Variants in CDKN2B-AS1 observed in about 807,000 individuals in gnomAD.
The protein encoded by CDKN2B-AS1 is CDKN2B antisense RNA 1 (non-protein coding).
intron 4 of CDKN2B-AS1, chr9:22,066,352 T>C (rs1824040851): frequency 6.6e-6 from 1 of 151,828 alleles, no homozygotes; most frequent in Admixed American, 6.6e-5. Flanking sequence ...CCACCATGCA[T>C]GGTTAGTTTT....
rs561198071 is a variant in CDKN2B-AS1, at chr9:22,101,277, A to G, written n.439-25826A>G. 5.3e-5 allele frequency among the ~76,000 whole-genome samples: 8 copies of G among 152,156 alleles called. No homozygotes were observed. In the East Asian group the frequency reaches 1.2e-3, roughly 22 times the overall value. ...GTTATAAATCTGTGTATTACTTTCA[A>G]TGCTCATAACAATCTTCTTAACCAC... On this transcript the variant is annotated intron_variant and non_coding_transcript_variant, in intron 4 of 4. Coordinates refer to ENST00000650946, the Ensembl canonical transcript of CDKN2B-AS1.
At chr9:22,008,732 G>A in intron 1 of CDKN2B-AS1, 1 of 1,610,756 alleles carries the variant, frequency 6.2e-7, no homozygotes, top group Non-Finnish European at 8.5e-7. Context: ...TTCCAGCCCC[G>A]ATCCGCCGAG....
intron 4 of CDKN2B-AS1, among the ~76,000 whole-genome samples, chr9:22,085,481 G>A (rs1202340017): frequency 6.6e-6 from 1 of 152,154 alleles, no homozygotes; most frequent in African/African-American, 2.4e-5. Context: ...AGCACTTTGG[G>A]AGGCTGAGGC....
chr9:22,045,034 T>TGTGTGTGTG (rs1563943297), intron 1 of CDKN2B-AS1, among the ~76,000 whole-genome samples: 5 of 103,268 alleles, frequency 4.8e-5, no homozygotes, highest in African/African-American at 2.4e-4. Flanking sequence ...AAAATATTAT[T>TGTGTGTGTG]TATTTGTGTG....
chr9:22,125,259 A>G (rs539053775), intron 4 of CDKN2B-AS1, among the ~76,000 whole-genome samples: 32 of 152,374 alleles, frequency 2.1e-4, no homozygotes, highest in South Asian at 2.1e-3. Context: ...GACTCTGAAG[A>G]TCATACCCGA....
intron 1 of CDKN2B-AS1, among the ~76,000 whole-genome samples, chr9:22,040,800 A>G (rs1014165661): frequency 6.6e-6 from 1 of 152,074 alleles, no homozygotes; most frequent in Non-Finnish European, 1.5e-5. Flanking sequence ...TAAAACTCCC[A>G]TGCAGTCTGA....
At chr9:22,030,319 G>T (rs931319697) in intron 1 of CDKN2B-AS1, 2 of 152,214 alleles carry the variant, frequency 1.3e-5, no homozygotes, top group Non-Finnish European at 2.9e-5. Context: ...ACCTTAGGAA[G>T]TGTCTGAACT....
At chr9:22,009,507 G>A (rs900662413) in intron 1 of CDKN2B-AS1, 2 of 239,000 alleles carry the variant, frequency 8.4e-6, no homozygotes, top group African/African-American at 2.3e-5. Flanking sequence ...CAGGAATGCT[G>A]GCTGCACTGC....
At chr9:22,010,455 G>C (rs1821441786) in intron 1 of CDKN2B-AS1, among the ~76,000 whole-genome samples, 1 of 152,184 alleles carries the variant, frequency 6.6e-6, no homozygotes, top group Non-Finnish European at 1.5e-5. Context: ...TGCTGAGGAA[G>C]ACAAAGTCTT....
intron 4 of CDKN2B-AS1, chr9:22,062,099 T>A (rs184462662): frequency 6.6e-6 from 1 of 152,274 alleles, no homozygotes; most frequent in African/African-American, 2.4e-5. Context: ...AATGGGTCTG[T>A]GAAGGGAAGA....
At chr9:22,072,226 A>C (rs1199677373) in intron 4 of CDKN2B-AS1, among the ~76,000 whole-genome samples, 1 of 152,220 alleles carries the variant, frequency 6.6e-6, no homozygotes. Flanking sequence ...TCTAAATGAC[A>C]TTATCATAGG....
Position 21,999,832 on chromosome 9 carries a change from C to A in CDKN2B-AS1, n.29+4671C>A, listed in dbSNP as rs1320454273. 3.3e-5 allele frequency among the ~76,000 whole-genome samples: 5 copies of A among 152,126 alleles called. No individual in the cohort carries two copies. The East Asian group carries it at 9.6e-4, about 29-fold the overall frequency. Reference sequence around the variant, plus strand: ...TATATGCACTGACAATGGAAGTTGTCAAAGATCTATTGCTAATTAAAGAAA... The same window carrying A: ...TATATGCACTGACAATGGAAGTTGTAAAAGATCTATTGCTAATTAAAGAAA... On this transcript the variant is annotated intron_variant and non_coding_transcript_variant, in intron 1 of 4. Coordinates refer to ENST00000650946, the Ensembl canonical transcript of CDKN2B-AS1. The surrounding 1 kb of genome is among the most constrained non-coding windows in gnomAD (Gnocchi z 4.7).
chr9:22,037,329 C>T (rs1226276835), intron 1 of CDKN2B-AS1, among the ~76,000 whole-genome samples: 2 of 152,018 alleles, frequency 1.3e-5, no homozygotes, highest in Non-Finnish European at 2.9e-5. Flanking sequence ...GTGCAGAATC[C>T]TCTGTAGTTT....
At chr9:22,100,175 C>G (rs1035567628) in intron 4 of CDKN2B-AS1, among the ~76,000 whole-genome samples, 2 of 152,058 alleles carry the variant, frequency 1.3e-5, no homozygotes, top group Non-Finnish European at 2.9e-5. Flanking sequence ...ATAACTTCCA[C>G]GGTATAATTT....
chr9:22,074,711 C>G (rs2131320739), intron 4 of CDKN2B-AS1, among the ~76,000 whole-genome samples: 1 of 152,286 alleles, frequency 6.6e-6, no homozygotes, highest in African/African-American at 2.4e-5. Flanking sequence ...TCCTGTTCTT[C>G]CCCACCCACT....
rs138374742 is a variant in CDKN2B-AS1, at chr9:22,029,809, A to G, written n.30-16942A>G. Reference sequence around the variant, plus strand: ...TAATCACTAAGATGTTAGTATTGTAATATTAATATTACATGATTTAAATTA... The same window carrying G: ...TAATCACTAAGATGTTAGTATTGTAGTATTAATATTACATGATTTAAATTA... On this transcript the variant is annotated intron_variant and non_coding_transcript_variant, in intron 1 of 4. Coordinates refer to ENST00000650946, the Ensembl canonical transcript of CDKN2B-AS1. The G allele has an allele frequency of 8.3e-3, 2,137 of 258,622 alleles. 13 individuals are homozygous for G. Among genetic ancestry groups the G allele is most frequent in the Non-Finnish European group, 0.011 (1,518 of 138,892 alleles). The allele number at this position is 258,622 out of a possible 1,614,324, so 16.0% of individuals were successfully genotyped here.
intron 1 of CDKN2B-AS1, among the ~76,000 whole-genome samples, chr9:22,036,672 A>C (rs935128091): frequency 6.6e-6 from 1 of 152,080 alleles, no homozygotes; most frequent in African/African-American, 2.4e-5. Context: ...CAAAGTTAGG[A>C]GTCATCTGTC....
chr9:22,083,063 A>C (rs576122843), intron 4 of CDKN2B-AS1, among the ~76,000 whole-genome samples: 2 of 152,346 alleles, frequency 1.3e-5, no homozygotes, highest in South Asian at 4.1e-4. Context: ...AATAACAAAA[A>C]CAATAATGAT....
At chr9:22,052,925 T>A (rs1363075357) in intron 3 of CDKN2B-AS1, among the ~76,000 whole-genome samples, 1 of 152,220 alleles carries the variant, frequency 6.6e-6, no homozygotes, top group Non-Finnish European at 1.5e-5. Flanking sequence ...CACATTGTAG[T>A]TCATGAAACC....
Sources: allele counts gnomAD v4.1 joint callset (sites outside exome capture counted in the v4.1 genomes callset), GRCh38; gene constraint gnomAD v4.1.1; non-coding constraint Gnocchi (gnomAD v3.1); transcripts MANE v1.5; gene names NCBI Gene and HGNC (gene_info 2026-07-23, HGNC 2026-07-21).